The following GHR variants were observed in gnomAD, a reference collection of about 807,000 sequenced individuals.
GHR encodes the protein growth hormone receptor, also known as GH receptor.
GHR carries 35 observed loss-of-function variants against 67.1 expected under a neutral mutation model. The observed-to-expected ratio is 0.52, with a 90% CI of 0.40 to 0.69. The LOEUF (loss-of-function observed/expected upper bound fraction) is 0.69, where lower values mean the gene tolerates loss of function less well. GHR is among the 30% of genes least tolerant of loss of function. The pLI is 0.00. For missense variants in GHR, 792 were observed against 764.6 expected, an observed-to-expected ratio of 1.04 and a Z score of -0.42; for synonymous variants, 272 against 269.1, an observed-to-expected ratio of 1.01 and a Z score of -0.10.
At chr5:42,556,290 G>A (rs1749305257) in intron 1 of GHR, among the ~76,000 whole-genome samples, 1 of 152,068 alleles carries the variant, frequency 6.6e-6, no homozygotes, top group South Asian at 2.1e-4. Context: ...AGTAATCATT[G>A]TTAGATTATA....
intron 2 of GHR, among the ~76,000 whole-genome samples, chr5:42,623,458 A>G (rs1283678877): frequency 6.6e-6 from 1 of 152,134 alleles, no homozygotes; most frequent in African/African-American, 2.4e-5. Flanking sequence ...CCCCAGCTCC[A>G]TCCATGCATT....
In GHR at chr5:42,570,762, T is replaced by C. The variant is rs554813138; in HGVS notation, c.70+4818T>C. 2.0e-5 allele frequency among the ~76,000 whole-genome samples: 3 copies of C among 152,296 alleles called. No homozygotes were observed. In the South Asian group the frequency reaches 6.2e-4, roughly 32 times the overall value. On this transcript the variant is annotated intron_variant, in intron 2 of 9. Transcript: ENST00000230882. ...AGAAGAGAAAACAGAGAAATAAACA[T>C]AATTTAATTGTGATCCTCTTAGATT...
At chr5:42,482,676 C>T (rs536353501) in intron 1 of GHR, among the ~76,000 whole-genome samples, 11 of 152,316 alleles carry the variant, frequency 7.2e-5, no homozygotes, top group South Asian at 4.1e-4. Context: ...TAGGACCCTC[C>T]GAGCCAGGTG....
At chr5:42,457,943 C>T (rs1744329640) in intron 1 of GHR, among the ~76,000 whole-genome samples, 1 of 152,152 alleles carries the variant, frequency 6.6e-6, no homozygotes, top group African/African-American at 2.4e-5. Flanking sequence ...ATGGACAATA[C>T]CTAACTCAAC....
At chr5:42,525,156 C>T (rs1198535371) in intron 1 of GHR, among the ~76,000 whole-genome samples, 2 of 152,184 alleles carry the variant, frequency 1.3e-5, no homozygotes, top group East Asian at 1.9e-4. Flanking sequence ...ACAGCTTGCA[C>T]TGTGCTGCTG....
chr5:42,620,829 G>A (rs1408668298), intron 2 of GHR, among the ~76,000 whole-genome samples: 2 of 152,118 alleles, frequency 1.3e-5, no homozygotes, highest in Admixed American at 1.3e-4. Flanking sequence ...TATTTTGAAT[G>A]AGTGAATTCA....
At chr5:42,634,128 C>CT (rs148254982) in intron 3 of GHR, among the ~76,000 whole-genome samples, 2,670 of 149,308 alleles carry the variant, frequency 0.018, 104 homozygotes, top group East Asian at 0.14. Context: ...ATCTCTTTGT[C>CT]TTTTTTTTTT....
At chr5:42,481,454 G>A (rs547622466) in intron 1 of GHR, among the ~76,000 whole-genome samples, 95 of 152,336 alleles carry the variant, frequency 6.2e-4, no homozygotes, top group African/African-American at 2.3e-3. Context: ...GATTGGGGAA[G>A]TTCACCTGGA....
rs1257674662 is a variant in GHR, at chr5:42,474,285, A to AAGAG, written c.-12+50331_-12+50332insGAGA. Among the ~76,000 whole-genome samples, 208 of 27,800 alleles carry AAGAG rather than the reference A, an allele frequency of 7.5e-3. 21 individuals carry two copies. Among genetic ancestry groups the AAGAG allele is most frequent in the Admixed American group, 0.052 (130 of 2,516 alleles). 18.2% of individuals were successfully genotyped at this position (27,800 alleles called of 152,430 possible). ...AAAGAAAGAAAGAAAGAAAGAAAGA[A>AAGAG]AAAGAGAAAGAGAAAGAAAGAAAGA... On this transcript the variant is annotated intron_variant, in intron 1 of 9. Transcript: ENST00000230882.
chr5:42,516,490 A>G (rs1292170398), intron 1 of GHR, among the ~76,000 whole-genome samples: 1 of 152,066 alleles, frequency 6.6e-6, no homozygotes, highest in Admixed American at 6.6e-5. Flanking sequence ...GCAACATGAC[A>G]TGATTGCTGA....
At chr5:42,656,849 C>T (rs1046660806) in intron 3 of GHR, among the ~76,000 whole-genome samples, 1 of 152,104 alleles carries the variant, frequency 6.6e-6, no homozygotes, top group Non-Finnish European at 1.5e-5. Flanking sequence ...TATCTAGCTA[C>T]TTATTTGCTG....
Position 42,695,029 on chromosome 5 carries a change from A to G in GHR, c.379A>G (p.Ile127Val), listed in dbSNP as rs751699151. The G allele has an allele frequency of 1.2e-6, 2 of 1,611,012 alleles. No homozygotes were observed. The highest frequency in any genetic ancestry group is 2.2e-5 in the East Asian group (1 of 44,848). The change falls in exon 5 of 10, where the codon ATC (isoleucine) becomes GTC (valine). Residue 127 changes from isoleucine to valine, a missense_variant. Coordinates refer to ENST00000230882, the MANE Select transcript of GHR (RefSeq NM_000163.5). ...SFTSIWIPYC[I>V]KLTSNGGTVD... The stretch of plus-strand genomic sequence containing the variant: ...TACCTCCATCTGGATACCTTATTGT[A>G]TCAAGCTAACTAGCAATGGTGGTAC...
intron 8 of GHR, among the ~76,000 whole-genome samples, chr5:42,714,369 C>T (rs1194592968): frequency 3.3e-5 from 5 of 152,084 alleles, no homozygotes; most frequent in Admixed American, 1.3e-4. Flanking sequence ...GACAGTTGAT[C>T]CCCTTACCTA....
At chr5:42,469,466 T>A (rs555456803) in intron 1 of GHR, among the ~76,000 whole-genome samples, 38 of 152,264 alleles carry the variant, frequency 2.5e-4, no homozygotes, top group African/African-American at 9.2e-4. Context: ...ATCCTGGAGA[T>A]GTCCTTGTGG....
chr5:42,656,119 AG>A (rs1393023427), intron 3 of GHR, among the ~76,000 whole-genome samples: 1 of 152,168 alleles, frequency 6.6e-6, no homozygotes, highest in East Asian at 1.9e-4. Flanking sequence ...TTACATGAAG[AG>A]GTAACTAAAG....
chr5:42,572,812 T>G (rs1700353147), intron 2 of GHR, among the ~76,000 whole-genome samples: 2 of 152,156 alleles, frequency 1.3e-5, no homozygotes, highest in African/African-American at 4.8e-5. Flanking sequence ...GGGGAAATGT[T>G]TCAGGATGTT....
At chr5:42,440,100 C>T (rs1292420868) in intron 1 of GHR, among the ~76,000 whole-genome samples, 2 of 152,192 alleles carry the variant, frequency 1.3e-5, no homozygotes, top group African/African-American at 2.4e-5. Context: ...CATAAACACA[C>T]TAATTGATTC....
chr5:42,477,206 A>T (rs1364529306), intron 1 of GHR, among the ~76,000 whole-genome samples: 10 of 152,094 alleles, frequency 6.6e-5, no homozygotes, highest in Admixed American at 6.5e-4. Flanking sequence ...TACAAAGGAC[A>T]TGAACTCATC....
intron 3 of GHR, among the ~76,000 whole-genome samples, chr5:42,658,992 C>CTAAGGCATA (rs1755410953): frequency 2.0e-5 from 3 of 152,022 alleles, no homozygotes; most frequent in Admixed American, 2.0e-4. Context: ...TATTTTTAGG[C>CTAAGGCATA]TAAGGCATTG....
Sources: allele counts gnomAD v4.1 joint callset (sites outside exome capture counted in the v4.1 genomes callset), GRCh38; gene constraint gnomAD v4.1.1; transcripts MANE v1.5; gene names NCBI Gene and HGNC (gene_info 2026-07-23, HGNC 2026-07-21).